Variants in HIRA observed in about 807,000 individuals in gnomAD.
HIRA encodes histone cell cycle regulator.
Under a neutral mutation model 126.6 loss-of-function variants are expected in HIRA, and 13 were observed. That is an observed-to-expected ratio of 0.10 (90% CI 0.07 to 0.16). The LOEUF (loss-of-function observed/expected upper bound fraction) is 0.16. Ranked by LOEUF, HIRA falls within the 10% of genes least tolerant of loss-of-function variation. The pLI, the probability that HIRA is intolerant of heterozygous loss-of-function variation, is 1.00. For missense variants in HIRA, 834 were observed against 1,314.4 expected, an observed-to-expected ratio of 0.63 and a Z score of 5.65; for synonymous variants, 511 against 520.0, an observed-to-expected ratio of 0.98 and a Z score of 0.24.
chr22:19,373,054 GTTGT>G (rs1362403814), intron 15 of HIRA, among the ~76,000 whole-genome samples: 1 of 152,124 alleles, frequency 6.6e-6, no homozygotes, highest in East Asian at 1.9e-4. Flanking sequence ...CCTTCCTTTA[GTTGT>G]TTGTGCATTA....
chr22:19,395,345 A>C (rs1376101543), intron 7 of HIRA, among the ~76,000 whole-genome samples: 1 of 151,982 alleles, frequency 6.6e-6, no homozygotes, highest in Non-Finnish European at 1.5e-5. Context: ...ACCACCCCCT[A>C]CCTGGAAGGA....
intron 15 of HIRA, among the ~76,000 whole-genome samples, chr22:19,371,069 G>T (rs1376797572): frequency 1.3e-5 from 2 of 152,212 alleles, no homozygotes; most frequent in Non-Finnish European, 2.9e-5. Flanking sequence ...AAGCAAACAT[G>T]AGTGTCTTCC....
chr22:19,331,669 C>T, intron 24 of HIRA, 113 bp from the exon 25 acceptor site: 1 of 1,002,592 alleles, frequency 1.0e-6, no homozygotes, highest in Non-Finnish European at 1.5e-6. Flanking sequence ...AAGGAAAGAA[C>T]AATTCCTCTG....
intron 16 of HIRA, 70 bp from the exon 17 acceptor site, chr22:19,361,411 AC>A (rs1475020026): frequency 3.7e-6 from 5 of 1,337,910 alleles, no homozygotes; most frequent in Non-Finnish European, 5.4e-6. Flanking sequence ...AAGGCAGGTC[AC>A]CCAGAAGTGA....
At chr22:19,334,408 T>G (rs1403360295) in intron 24 of HIRA, among the ~76,000 whole-genome samples, 6 of 150,472 alleles carry the variant, frequency 4.0e-5, no homozygotes, top group Admixed American at 6.6e-5. Context: ...CTCAGCACTT[T>G]GGGAGGCCAA....
intron 12 of HIRA, among the ~76,000 whole-genome samples, chr22:19,384,322 CAA>C (rs71317140): frequency 6.0e-5 from 4 of 66,810 alleles, no homozygotes; most frequent in African/African-American, 2.6e-4. Flanking sequence ...GACTCCATCT[CAA>C]AAAAAAAAAA....
At chr22:19,388,288 C>T (rs149216491) in intron 10 of HIRA, among the ~76,000 whole-genome samples, 196 bp downstream of exon 10, 10 of 152,308 alleles carry the variant, frequency 6.6e-5, no homozygotes, top group African/African-American at 2.4e-4. Flanking sequence ...TCTACACAGG[C>T]AGGACATTCT....
At chr22:19,365,317 C>T (rs550845717) in intron 15 of HIRA, among the ~76,000 whole-genome samples, 39 of 152,318 alleles carry the variant, frequency 2.6e-4, no homozygotes, top group South Asian at 8.3e-4. Context: ...AGCCTTCTAT[C>T]AGAAGAAGAT....
intron 8 of HIRA, 60 bp from the exon 9 acceptor site, chr22:19,392,274 C>T (rs2089189146): frequency 9.8e-7 from 1 of 1,023,706 alleles, no homozygotes; most frequent in Non-Finnish European, 1.5e-6. Context: ...GTCCCCTGTG[C>T]CCAAGTCCCA....
intron 4 of HIRA, among the ~76,000 whole-genome samples, chr22:19,406,764 G>C (rs1164150509): frequency 2.0e-5 from 3 of 152,220 alleles, no homozygotes; most frequent in African/African-American, 7.2e-5. Context: ...AGCAGAGGCT[G>C]CCCCAGGTGG....
chr22:19,350,549 CA>C (rs1471603505), intron 24 of HIRA, among the ~76,000 whole-genome samples: 1 of 152,214 alleles, frequency 6.6e-6, no homozygotes, highest in Non-Finnish European at 1.5e-5. Flanking sequence ...CTCCAAAATA[CA>C]TCTTGAATCT....
intron 2 of HIRA, among the ~76,000 whole-genome samples, chr22:19,409,245 C>T (rs779574311): frequency 1.5e-4 from 23 of 151,756 alleles, no homozygotes; most frequent in South Asian, 4.2e-4. Flanking sequence ...ATGTATTGCT[C>T]GGCTAAAAAA....
intron 15 of HIRA, among the ~76,000 whole-genome samples, chr22:19,364,304 G>A (rs2088892970): frequency 2.0e-5 from 3 of 152,176 alleles, no homozygotes; most frequent in African/African-American, 7.2e-5. Flanking sequence ...TGATAAAGAT[G>A]AAGGAGTCAA....
In HIRA at chr22:19,375,848, T is replaced by A. The variant is rs2089013379; in HGVS notation, c.1614-56A>T. On this transcript the variant is annotated intron_variant, in intron 14 of 24. Coordinates refer to ENST00000263208, the MANE Select transcript of HIRA (RefSeq NM_003325.4). ...GCGCAATCCTGAAAGGATCTGGAGG[T>A]CTAGTATTTGCATTATTTGGAGCCT... 3.8e-6 allele frequency: 6 copies of A among 1,574,422 alleles called. No homozygotes were observed. In the South Asian group the frequency reaches 4.5e-5, roughly 12 times the overall value.
In HIRA at chr22:19,358,932, A is replaced by G. The variant is rs573472985; in HGVS notation, c.2234+404T>C. On this transcript the variant is annotated intron_variant, in intron 18 of 24. Coordinates refer to ENST00000263208, the MANE Select transcript of HIRA (RefSeq NM_003325.4). ...ATGGGCTGGGATGGGGACTTCAGGG[A>G]CAGTCAGAAATCCATCCTGACCAAC... Among the ~76,000 whole-genome samples the G allele has an allele frequency of 2.0e-5, 3 of 152,256 alleles. No homozygotes were observed. The South Asian group carries it at 6.2e-4, about 32-fold the overall frequency.
intron 24 of HIRA, among the ~76,000 whole-genome samples, chr22:19,346,609 T>G (rs1556008974): frequency 6.6e-6 from 1 of 152,246 alleles, no homozygotes; most frequent in Non-Finnish European, 1.5e-5. Flanking sequence ...TTTCCCAGCC[T>G]CCCTTGCAGC....
chr22:19,354,891 C>T (rs1375412658), intron 21 of HIRA, among the ~76,000 whole-genome samples: 2 of 152,016 alleles, frequency 1.3e-5, no homozygotes, highest in South Asian at 4.2e-4. Flanking sequence ...TTCAGCTTCC[C>T]AAGGAGCTGG....
At chr22:19,384,715 C>T (rs946116242) in intron 12 of HIRA, among the ~76,000 whole-genome samples, 1 of 151,278 alleles carries the variant, frequency 6.6e-6, no homozygotes, top group South Asian at 2.1e-4. Flanking sequence ...AGTGCAGTGG[C>T]GCAGTCTCGG....
At chr22:19,335,055 G>T (rs2088549374) in intron 24 of HIRA, among the ~76,000 whole-genome samples, 1 of 151,918 alleles carries the variant, frequency 6.6e-6, no homozygotes, top group Non-Finnish European at 1.5e-5. Context: ...TACAGTATAT[G>T]CCTTTACTTA....
Sources: allele counts gnomAD v4.1 joint callset (sites outside exome capture counted in the v4.1 genomes callset), GRCh38; gene constraint gnomAD v4.1.1; transcripts MANE v1.5; gene names NCBI Gene and HGNC (gene_info 2026-07-23, HGNC 2026-07-21).